DENND1C: variants seen among roughly 807,000 people sequenced by gnomAD.
DENND1C encodes DENN domain containing 1C.
A neutral mutation model predicts 87.9 loss-of-function variants in DENND1C; 64 were observed. The ratio of observed to expected loss-of-function variants is 0.73; its 90% confidence interval spans 0.60 to 0.90. The LOEUF (loss-of-function observed/expected upper bound fraction) is 0.90, where lower values mean the gene tolerates loss of function less well. Ranked by LOEUF, DENND1C falls within the 40% of genes least tolerant of loss-of-function variation. DENND1C has a pLI of 0.00. For synonymous variants in DENND1C, 384 were observed against 424.4 expected (o/e 0.90, Z 1.17); for missense variants, 980 against 1,037.0 (o/e 0.95, Z 0.76).
chr19:6,471,210 G>A (rs2092827119), intron 17 of DENND1C, 55 bp downstream of exon 17: 1 of 1,551,252 alleles, frequency 6.4e-7, no homozygotes, highest in African/African-American at 1.4e-5. Flanking sequence ...CTCCTAATGT[G>A]TTGGGATTAC....
At position 6,468,260 on chromosome 19, in the gene DENND1C, C is replaced by T; in HGVS notation, c.1765G>A (p.Gly589Arg). 2 of 1,613,504 alleles carry T rather than the reference C, an allele frequency of 1.2e-6. No individual in the cohort carries two copies. The highest frequency in any genetic ancestry group is 1.7e-6 in the Non-Finnish European group (2 of 1,179,672). The part of the protein sequence containing the change: ...PSQSLDCCHR[G>R]DLDSCFSLPN... ...AGGCTGAAGCAGCTGTCCAGGTCTCCTCTGTGACAGCAGTCTAAACTCTGG... is the reference window on the plus strand; with the variant it reads ...AGGCTGAAGCAGCTGTCCAGGTCTCTTCTGTGACAGCAGTCTAAACTCTGG... Residue 589 changes from glycine to arginine, a missense_variant, in exon 22 of 23, where the codon GGA becomes AGA. Coordinates refer to ENST00000381480, the MANE Select transcript of DENND1C (RefSeq NM_024898.4).
chr19:6,478,307 G>C (rs560897152), intron 6 of DENND1C, among the ~76,000 whole-genome samples: 10 of 152,184 alleles, frequency 6.6e-5, no homozygotes, highest in Admixed American at 5.9e-4. Flanking sequence ...GCAATGGCGC[G>C]ATCTCGGCTC....
At chr19:6,477,324 C>T (rs1263057068) in intron 7 of DENND1C, 41 bp from the exon 8 acceptor site, 4 of 1,606,864 alleles carry the variant, frequency 2.5e-6, no homozygotes, top group Non-Finnish European at 3.4e-6. Flanking sequence ...ATGGCTGGGA[C>T]GCAGCCTTCC....
chr19:6,475,450 C>G (rs1283042033), intron 13 of DENND1C, 34 bp downstream of exon 13: 1 of 1,613,574 alleles, frequency 6.2e-7, no homozygotes. Flanking sequence ...CCCCTCGCCT[C>G]CCGGGGCAGG....
At chr19:6,477,540 G>T (rs1486360286) in intron 6 of DENND1C, 82 bp from the exon 7 acceptor site, 5 of 1,313,572 alleles carry the variant, frequency 3.8e-6, no homozygotes, top group Non-Finnish European at 5.4e-6. Flanking sequence ...AAGGTTGAGT[G>T]GTCTGGGAGG....
At position 6,468,029 on chromosome 19, in the gene DENND1C, C is replaced by T. The variant is rs116930831; in HGVS notation, c.1881G>A (p.Ser627=). The change falls in exon 23 of 23, where the codon TCG becomes TCA. Residue 627 remains serine (S), a synonymous_variant. Coordinates refer to ENST00000381480, the MANE Select transcript of DENND1C (RefSeq NM_024898.4). ...PLSLPSLQNA[S]SLDATSSSKD... The stretch of plus-strand genomic sequence containing the variant: ...TTGAAGAGCTGGTGGCATCCAAAGA[C>T]GAGGCATTTTGCAGGGATGGCAGGG... 28,336 of 1,613,790 alleles carry T rather than the reference C, an allele frequency of 0.018. 337 individuals carry two copies. The highest frequency in any genetic ancestry group is 0.041 in the Middle Eastern group (250 of 6,062).
chr19:6,468,576 AC>A lies in DENND1C; in HGVS notation c.1583+1del. 6.5e-7 allele frequency: 1 copy of A among 1,531,544 alleles called. No homozygotes were observed. 94.9% of individuals were successfully genotyped at this position (1,531,544 alleles called of 1,614,324 possible). ...AACACTGCTGTTCCCTTTTTGCCTT[AC>A]CCCGCCCCTGGGGGCTCGGAAGTTC... On this transcript the variant is annotated splice_donor_variant, in intron 21 of 22. Transcript: ENST00000381480. LOFTEE classifies it high-confidence loss of function.
chr19:6,480,604 ATC>A (rs1913509289), intron 1 of DENND1C: 1 of 396,802 alleles, frequency 2.5e-6, no homozygotes. Context: ...CTATCTATCT[ATC>A]TATCTATCTA....
chr19:6,475,660 A>AG, intron 12 of DENND1C, 46 bp downstream of exon 12: 1 of 1,611,958 alleles, frequency 6.2e-7, no homozygotes, highest in Non-Finnish European at 8.5e-7. Flanking sequence ...ATGTAGAGGA[A>AG]GGGGGAACCC....
In DENND1C at chr19:6,479,031, G is replaced by T. The variant is rs1365261342; in HGVS notation, c.202C>A (p.His68Asn). The change falls in exon 5 of 23, where the codon CAT (histidine) becomes AAT (asparagine). Residue 68 changes from histidine to asparagine, a missense_variant. By Grantham distance (68) the His-to-Asn change is moderately conservative. Coordinates refer to ENST00000381480, the MANE Select transcript of DENND1C (RefSeq NM_024898.4). The part of the protein sequence containing the change: ...EREPPSPAVQ[H>N]FTFALTDLAG... ...AGGTCTGTGAGGGCGAAGGTGAAAT[G>T]CTGCACGGCGGGGCTGGGGGGCTCC... 6.8e-6 allele frequency: 11 copies of T among 1,613,972 alleles called. No individual in the cohort carries two copies. Among genetic ancestry groups the T allele is most frequent in the Non-Finnish European group, 8.5e-6 (10 of 1,179,866 alleles).
chr19:6,471,211 T>G, intron 17 of DENND1C, 54 bp downstream of exon 17: 1 of 1,551,338 alleles, frequency 6.4e-7, no homozygotes, highest in South Asian at 1.2e-5. Context: ...TCCTAATGTG[T>G]TGGGATTACA....
At chr19:6,472,462 C>T (rs1052105700) in intron 15 of DENND1C, among the ~76,000 whole-genome samples, 4 of 152,174 alleles carry the variant, frequency 2.6e-5, no homozygotes, top group Admixed American at 2.6e-4. Context: ...GTGATCTCAG[C>T]TCACTGCAAC....
rs954963651 is a variant in DENND1C at position 6,468,134 on chromosome 19, A to G, written c.1792-16T>C. The G allele has an allele frequency of 2.0e-5, 33 of 1,610,848 alleles. No individual in the cohort carries two copies. The highest frequency in any genetic ancestry group is 2.8e-5 in the Non-Finnish European group (33 of 1,177,946). On this transcript the variant is annotated splice_polypyrimidine_tract_variant and intron_variant, in intron 22 of 22. Coordinates refer to ENST00000381480, the MANE Select transcript of DENND1C (RefSeq NM_024898.4). ...GTATGTTGGGCTAGGTGAGATGGATAGGGAAGTTGTGGCTTTTAGATGGCA... is the reference window on the plus strand; with the variant it reads ...GTATGTTGGGCTAGGTGAGATGGATGGGGAAGTTGTGGCTTTTAGATGGCA...
In DENND1C at chr19:6,471,357, G is replaced by T. The variant is rs756576790; in HGVS notation, c.1249+49C>A. ...CACCGAAGGCTGGCTGAGGCTGGGG[G>T]TGCTGGTGGCGGGTAGTGGGGGACC... On this transcript the variant is annotated intron_variant, in intron 16 of 22. Transcript: ENST00000381480. 29 of 1,589,892 alleles carry T rather than the reference G, an allele frequency of 1.8e-5. No homozygotes were observed. In the African/African-American group the frequency reaches 3.4e-4, roughly 18 times the overall value.
intron 17 of DENND1C, among the ~76,000 whole-genome samples, chr19:6,470,700 C>T (rs1029799088): frequency 8.9e-5 from 13 of 146,238 alleles, no homozygotes; most frequent in African/African-American, 3.0e-4. Flanking sequence ...CGGCTCACTG[C>T]AACCTCCACC....
Position 6,477,091 on chromosome 19 carries a change from G to T in DENND1C, c.550C>A (p.Pro184Thr), listed in dbSNP as rs781749212. 6.2e-7 allele frequency: 1 copy of T among 1,605,636 alleles called. No homozygotes were observed. Among genetic ancestry groups the T allele is most frequent in the African/African-American group, 1.3e-5 (1 of 74,480 alleles). ...CCACTCACGTTCTCAGGGATGGATG[G>T]CAGGCGGCCGGAGTCCGGGGCCACG... ...CFVAPDSGRL[P>T]SIPENRNLTE... is the part of the protein sequence containing the mutation. Residue 184 changes from proline (P) to threonine (T), a missense_variant, in exon 9 of 23, where the codon CCA becomes ACA. By Grantham distance (38) the Pro-to-Thr change is conservative. Transcript: ENST00000381480.
intron 10 of DENND1C, 38 bp downstream of exon 10, chr19:6,476,819 G>T: frequency 6.3e-7 from 1 of 1,590,224 alleles, no homozygotes. Context: ...GCGGAGCCAG[G>T]CCCTGCTCCC....
At chr19:6,468,517 C>G (rs1008131221) in intron 21 of DENND1C, 61 bp downstream of exon 21, 1 of 1,559,368 alleles carries the variant, frequency 6.4e-7, no homozygotes, top group African/African-American at 1.4e-5. Context: ...AGTTTGGGAA[C>G]CCTCCTCCCC....
intron 14 of DENND1C, among the ~76,000 whole-genome samples, chr19:6,474,744 C>G (rs1214556552): frequency 6.6e-6 from 1 of 151,890 alleles, no homozygotes; most frequent in African/African-American, 2.4e-5. Context: ...TTAATGCTAC[C>G]TATCATTATT....
Sources: allele counts gnomAD v4.1 joint callset (sites outside exome capture counted in the v4.1 genomes callset), GRCh38; gene constraint gnomAD v4.1.1; transcripts MANE v1.5; gene names NCBI Gene and HGNC (gene_info 2026-07-23, HGNC 2026-07-21).